The following R3HDM2 variants were observed in gnomAD, a reference collection of about 807,000 sequenced individuals.
R3HDM2 encodes the protein R3H domain containing 2, also known as R3H domain-containing protein 2.
A neutral mutation model predicts 124.5 loss-of-function variants in R3HDM2; 38 were observed. The observed-to-expected ratio is 0.31, with a 90% CI of 0.24 to 0.40. The LOEUF (loss-of-function observed/expected upper bound fraction) is 0.40. R3HDM2 is among the 10% of genes least tolerant of loss of function. The pLI is 1.00. For missense variants in R3HDM2, 869 were observed against 1,236.9 expected (o/e 0.70, Z 4.46); for synonymous variants, 391 against 448.0 (o/e 0.87, Z 1.61).
chr12:57,414,991 G>A (rs1403991293), intron 1 of R3HDM2, among the ~76,000 whole-genome samples: 1 of 152,136 alleles, frequency 6.6e-6, no homozygotes, highest in African/African-American at 2.4e-5. Context: ...GTGCCAGAGT[G>A]TAAGGAAGTG....
intron 1 of R3HDM2, among the ~76,000 whole-genome samples, chr12:57,428,050 G>A (rs1868349350): frequency 1.3e-5 from 2 of 151,300 alleles, no homozygotes; most frequent in South Asian, 2.1e-4. Flanking sequence ...AACCCAGGAG[G>A]TAGAGGTTGC....
chr12:57,317,037 G>A (rs1171092996), intron 2 of R3HDM2, among the ~76,000 whole-genome samples: 3 of 151,420 alleles, frequency 2.0e-5, no homozygotes, highest in Non-Finnish European at 2.9e-5. Flanking sequence ...GTGAGACATC[G>A]CACCTGGCCT....
chr12:57,379,960 C>G (rs1285689829), intron 2 of R3HDM2, among the ~76,000 whole-genome samples: 1 of 152,010 alleles, frequency 6.6e-6, no homozygotes, highest in African/African-American at 2.4e-5. Flanking sequence ...ACTTATCTTC[C>G]TTACCTGTCT....
At chr12:57,284,891 C>T (rs920544074) in intron 12 of R3HDM2, among the ~76,000 whole-genome samples, 4 of 152,168 alleles carry the variant, frequency 2.6e-5, no homozygotes, top group African/African-American at 4.8e-5. Context: ...ATGTTATAAT[C>T]ACTGTCTATG....
chr12:57,372,297 A>C (rs2137990918), intron 2 of R3HDM2, among the ~76,000 whole-genome samples: 1 of 152,300 alleles, frequency 6.6e-6, no homozygotes, highest in South Asian at 2.1e-4. Flanking sequence ...GAAAAAACAT[A>C]GTGCTCCATT....
chr12:57,276,208 T>TA (rs1263227424), intron 14 of R3HDM2, among the ~76,000 whole-genome samples: 5,103 of 105,186 alleles, frequency 0.049, 145 homozygotes, highest in Middle Eastern at 0.091. Context: ...AGACTCCATC[T>TA]AAAAAAAAAA....
intron 15 of R3HDM2, 25 bp from the exon 16 acceptor site, chr12:57,269,474 T>A: frequency 6.2e-7 from 1 of 1,610,144 alleles, no homozygotes; most frequent in South Asian, 1.1e-5. Context: ...GACAGATGTG[T>A]GAGAAGTCCC....
Position 57,254,622 on chromosome 12 carries a change from G to T in R3HDM2, c.*151C>A. 1.5e-6 allele frequency: 1 copy of T among 678,254 alleles called. No homozygotes were observed. The highest frequency in any genetic ancestry group is 2.4e-6 in the Non-Finnish European group (1 of 421,706). 42.0% of individuals were successfully genotyped at this position (678,254 alleles called of 1,614,324 possible). A position where few individuals can be genotyped will look rare whatever the true frequency, so the allele number is the denominator to read the frequency against. ...AAGAAGGAGTCCAATGCCAGTGTAG[G>T]TATCTGTGTTTCCATCTTCATCACT... On this transcript the variant is annotated 3_prime_UTR_variant, in exon 24 of 24. Transcript: ENST00000402412.
At position 57,427,916 on chromosome 12, in the gene R3HDM2, G is replaced by A. The variant is rs1868328230; in HGVS notation, c.-106+2804C>T. 2.0e-5 allele frequency among the ~76,000 whole-genome samples: 3 copies of A among 151,788 alleles called. No homozygotes were observed. The South Asian group carries it at 6.2e-4, about 31-fold the overall frequency. On this transcript the variant is annotated intron_variant, in intron 1 of 23. Transcript: ENST00000402412. ...GGATCACTTAGGGTCAGGAGTTGAAGACCAGCCTGGCCAACATATAGTGAA... is the reference window on the plus strand; with the variant it reads ...GGATCACTTAGGGTCAGGAGTTGAAAACCAGCCTGGCCAACATATAGTGAA...
chr12:57,284,471 T>C (rs955970487), intron 12 of R3HDM2, among the ~76,000 whole-genome samples: 1 of 152,222 alleles, frequency 6.6e-6, no homozygotes, highest in African/African-American at 2.4e-5. Context: ...GAAGTTGCTA[T>C]TGCTAAAAGG....
rs760665727 is a variant in R3HDM2, at chr12:57,343,186, ATTTTTTT to A, written c.-35-32730_-35-32724del. On this transcript the variant is annotated intron_variant, in intron 2 of 23. Coordinates refer to ENST00000402412, the MANE Select transcript of R3HDM2 (RefSeq NM_001394031.1). ...GCTTAGATATGACCCTCGGGTCTTA[ATTTTTTT>A]TTTTTTTTTTTTTTGAGACGGAGTT... Among the ~76,000 whole-genome samples, 36 of 133,948 alleles carry A rather than the reference ATTTTTTT, an allele frequency of 2.7e-4. 1 individual carries two copies. The highest frequency in any genetic ancestry group is 6.4e-5 in the Non-Finnish European group (4 of 62,954). 87.9% of individuals were successfully genotyped at this position (133,948 alleles called of 152,430 possible).
At chr12:57,366,282 A>T (rs1308787714) in intron 2 of R3HDM2, among the ~76,000 whole-genome samples, 1 of 152,002 alleles carries the variant, frequency 6.6e-6, no homozygotes, top group Non-Finnish European at 1.5e-5. Flanking sequence ...GGTTTCCCAA[A>T]GTGCTGGGAT....
At chr12:57,345,696 A>G (rs1161611026) in intron 2 of R3HDM2, among the ~76,000 whole-genome samples, 2 of 151,982 alleles carry the variant, frequency 1.3e-5, no homozygotes, top group Non-Finnish European at 2.9e-5. Flanking sequence ...ATGTGCCCCC[A>G]TGCCCCCTAA....
rs572142071 is a variant in R3HDM2, at chr12:57,415,957, G to C, written c.-106+14763C>G. Among the ~76,000 whole-genome samples, 4 of 152,290 alleles carry C rather than the reference G, an allele frequency of 2.6e-5. No individual in the cohort carries two copies. The South Asian group carries it at 8.3e-4, about 32-fold the overall frequency. The stretch of plus-strand genomic sequence containing the variant: ...AACACATGTTCCTTGAAGGAATCCA[G>C]GATTGTGGGGGTAAGTTGTAAAGCA... On this transcript the variant is annotated intron_variant, in intron 1 of 23. Coordinates refer to ENST00000402412, the MANE Select transcript of R3HDM2 (RefSeq NM_001394031.1).
chr12:57,423,808 TAAAAAAAAAAAAA>T (rs57587261), intron 1 of R3HDM2, among the ~76,000 whole-genome samples: 1 of 51,424 alleles, frequency 1.9e-5, no homozygotes, highest in Non-Finnish European at 3.3e-5. Context: ...CTGTCTCAAT[TAAAAAAAAAAAAA>T]AAAAAAAAAA....
chr12:57,370,086 C>T (rs2063135310), intron 2 of R3HDM2, among the ~76,000 whole-genome samples: 1 of 152,098 alleles, frequency 6.6e-6, no homozygotes, highest in Non-Finnish European at 1.5e-5. Context: ...GGCTCTGTGT[C>T]CCCACCCAAA....
chr12:57,357,754 G>A lies in R3HDM2; in HGVS notation c.-36+37995C>T, dbSNP rs112464509. 4.3e-3 allele frequency among the ~76,000 whole-genome samples: 650 copies of A among 150,286 alleles called. 4 individuals carry two copies. Among genetic ancestry groups the A allele is most frequent in the Non-Finnish European group, 7.3e-3 (497 of 67,762 alleles). On this transcript the variant is annotated intron_variant, in intron 2 of 23. Coordinates refer to ENST00000402412, the MANE Select transcript of R3HDM2 (RefSeq NM_001394031.1). Reference sequence around the variant, plus strand: ...TGCTCTTCTTTTCTAATTTCTTAAGGTCAATGATTTTAGATTTTTCTGCTT... The same window carrying A: ...TGCTCTTCTTTTCTAATTTCTTAAGATCAATGATTTTAGATTTTTCTGCTT...
At chr12:57,378,545 T>C (rs1022761230) in intron 2 of R3HDM2, among the ~76,000 whole-genome samples, 7 of 152,132 alleles carry the variant, frequency 4.6e-5, no homozygotes, top group African/African-American at 1.4e-4. Flanking sequence ...GACTGGCTAA[T>C]TTTTTGTGTA....
chr12:57,407,758 CGT>C (rs1363711961), intron 1 of R3HDM2, among the ~76,000 whole-genome samples: 1 of 151,538 alleles, frequency 6.6e-6, no homozygotes, highest in Non-Finnish European at 1.5e-5. Context: ...TATTTTTGTG[CGT>C]GTTTTTTTGT....
Sources: allele counts gnomAD v4.1 joint callset (sites outside exome capture counted in the v4.1 genomes callset), GRCh38; gene constraint gnomAD v4.1.1; transcripts MANE v1.5; gene names NCBI Gene and HGNC (gene_info 2026-07-23, HGNC 2026-07-21).